TRIM37: variants seen among roughly 807,000 people sequenced by gnomAD.
TRIM37 encodes E3 ubiquitin-protein ligase TRIM37.
TRIM37 carries 80 observed loss-of-function variants against 129.8 expected under a neutral mutation model. That is an observed-to-expected ratio of 0.62 (90% confidence interval 0.51 to 0.74). The LOEUF (loss-of-function observed/expected upper bound fraction) is 0.74, where lower values mean the gene tolerates loss of function less well. Among genes scored for constraint, TRIM37 ranks in the 30% least tolerant of loss-of-function variants. The pLI is 0.00. For missense variants in TRIM37, 1,054 were observed against 1,176.5 expected, an observed-to-expected ratio of 0.90 and a Z score of 1.52; for synonymous variants, 389 against 387.1, an observed-to-expected ratio of 1.00 and a Z score of -0.06.
intron 13 of TRIM37, 127 bp downstream of exon 13, chr17:59,056,732 AAAAAAAAAAAAAAAAG>A: frequency 2.4e-6 from 1 of 409,862 alleles, no homozygotes; most frequent in Non-Finnish European, 4.2e-6. Flanking sequence ...AAAAAAAAAA[AAAAAAAAAAAAAAAAG>A]GTGATAAGGT....
intron 22 of TRIM37, among the ~76,000 whole-genome samples, chr17:59,008,758 C>T (rs190749795): frequency 6.6e-6 from 1 of 152,186 alleles, no homozygotes; most frequent in Non-Finnish European, 1.5e-5. Flanking sequence ...TAAAGAAGTC[C>T]AAATCATTTC....
chr17:59,101,460 A>T (rs2045460141), intron 2 of TRIM37, among the ~76,000 whole-genome samples: 1 of 151,954 alleles, frequency 6.6e-6, no homozygotes, highest in African/African-American at 2.4e-5. Context: ...CATGGTAATG[A>T]TAAAAACAGA....
rs1055826420 is a variant in TRIM37, at chr17:59,001,517, G to T, written c.2812+81C>A. ...AAGCAGTAGAGCGGAAAAAGTAGAA[G>T]TAGCAGCAGCAGAAGAAGAAGAAAG... On this transcript the variant is annotated intron_variant, in intron 23 of 23. Transcript: ENST00000262294. The T allele has an allele frequency of 4.5e-6, 7 of 1,565,456 alleles. No individual in the cohort carries two copies. In the African/African-American group the frequency reaches 8.1e-5, roughly 18 times the overall value.
intron 13 of TRIM37, among the ~76,000 whole-genome samples, chr17:59,052,258 T>G (rs1484389989): frequency 6.6e-6 from 1 of 152,034 alleles, no homozygotes; most frequent in African/African-American, 2.4e-5. Flanking sequence ...AACCTCTACC[T>G]TTGTTACATA....
rs1041100171 is a variant in TRIM37 at position 58,998,577 on chromosome 17, T to C, written c.*800A>G. 18 of 985,260 alleles carry C rather than the reference T, an allele frequency of 1.8e-5. No individual in the cohort carries two copies. The African/African-American group carries it at 2.8e-4, about 15-fold the overall frequency. The allele number at this position is 985,260 out of a possible 1,614,324, so 61.0% of individuals were successfully genotyped here. On this transcript the variant is annotated 3_prime_UTR_variant, in exon 24 of 24. Coordinates refer to ENST00000262294, the MANE Select transcript of TRIM37 (RefSeq NM_015294.6). ...TTAAATGTGTTGACACTGAAATCAA[T>C]GTACAACTAATGAAAATAAAGAAGA...
At chr17:59,046,731 G>T (rs975934548) in intron 16 of TRIM37, among the ~76,000 whole-genome samples, 16 of 150,804 alleles carry the variant, frequency 1.1e-4, no homozygotes, top group African/African-American at 3.9e-4. Context: ...TAGTAGAGAC[G>T]GGGTTTCACC....
chr17:59,049,474 T>G, intron 14 of TRIM37, 81 bp from the exon 15 acceptor site: 1 of 1,186,904 alleles, frequency 8.4e-7, no homozygotes, highest in Non-Finnish European at 1.2e-6. Flanking sequence ...AAAAAATGCA[T>G]CCAGATGTTT....
chr17:59,101,670 AAAAAAAAATAT>A lies in TRIM37; in HGVS notation c.123+2612_123+2622del, dbSNP rs1237789272. On this transcript the variant is annotated intron_variant, in intron 2 of 23. Transcript: ENST00000262294. ...CCCATCTCTACAAAAAAAAAAAAAAAAAAAAAAATATATATATATATATATACACACACACA... is the reference window on the plus strand; with the variant it reads ...CCCATCTCTACAAAAAAAAAAAAAAAATATATATATATATACACACACACA... 1.0e-4 allele frequency among the ~76,000 whole-genome samples: 12 copies of A among 117,860 alleles called. 1 individual carries two copies. The highest frequency in any genetic ancestry group is 4.8e-4 in the South Asian group (2 of 4,192). The allele number at this position is 117,860 out of a possible 152,430, so 77.3% of individuals were successfully genotyped here.
At chr17:59,015,331 T>C (rs1020809962) in intron 21 of TRIM37, among the ~76,000 whole-genome samples, 2 of 151,086 alleles carry the variant, frequency 1.3e-5, no homozygotes, top group Admixed American at 6.6e-5. Flanking sequence ...TCCCAGCTAC[T>C]TGGGAGGCTG....
chr17:58,973,375 C>T, the TRIM37 span, among the ~76,000 whole-genome samples: 1 of 150,694 alleles, frequency 6.6e-6, no homozygotes, highest in Admixed American at 6.6e-5. Flanking sequence ...GGAGATCGCG[C>T]CATTGCACGC....
At chr17:59,003,164 A>G (rs2034003315) in intron 22 of TRIM37, among the ~76,000 whole-genome samples, 1 of 152,330 alleles carries the variant, frequency 6.6e-6, no homozygotes, top group African/African-American at 2.4e-5. Flanking sequence ...GGCATGAGCC[A>G]CCATGCCTGG....
chr17:59,038,060 C>G (rs190851600), intron 17 of TRIM37, among the ~76,000 whole-genome samples: 2 of 152,250 alleles, frequency 1.3e-5, no homozygotes, highest in East Asian at 3.9e-4. Context: ...ACTTACAATA[C>G]TGTCAACATG....
At chr17:59,007,238 C>CACACAA in intron 22 of TRIM37, among the ~76,000 whole-genome samples, 1 of 142,084 alleles carries the variant, frequency 7.0e-6, no homozygotes, top group Non-Finnish European at 1.5e-5. Context: ...CACCCACACA[C>CACACAA]ACACACACGT....
chr17:59,006,613 G>A (rs1250535816), intron 22 of TRIM37, among the ~76,000 whole-genome samples: 2 of 152,102 alleles, frequency 1.3e-5, no homozygotes, highest in Non-Finnish European at 2.9e-5. Context: ...CTGGCTGGGT[G>A]CGCGGTGGCT....
chr17:59,041,964 A>G (rs2039213138), intron 16 of TRIM37, 66 bp from the exon 17 acceptor site: 1 of 1,098,240 alleles, frequency 9.1e-7, no homozygotes, highest in African/African-American at 1.5e-5. Context: ...TCACACCTCA[A>G]TAAATTTTAT....
chr17:59,098,285 A>T (rs934669175), intron 2 of TRIM37, among the ~76,000 whole-genome samples: 1 of 152,202 alleles, frequency 6.6e-6, no homozygotes, highest in Non-Finnish European at 1.5e-5. Flanking sequence ...ATGATGAAAA[A>T]GTACTAAAGG....
At chr17:59,022,681 C>T (rs531030490) in intron 19 of TRIM37, among the ~76,000 whole-genome samples, 3 of 152,134 alleles carry the variant, frequency 2.0e-5, no homozygotes, top group African/African-American at 7.2e-5. Context: ...GTCTGGCACA[C>T]AGTTAACACT....
In TRIM37 at chr17:59,106,685, T is replaced by C. The variant is rs11541295; in HGVS notation, c.-224A>G. ...GCGCGCCCGCCCCGAGGCGCAGAAG[T>C]AGGGCGAACGGTGGCCGCAGCTCCT... On this transcript the variant is annotated 5_prime_UTR_variant, in exon 1 of 24. Coordinates refer to ENST00000262294, the MANE Select transcript of TRIM37 (RefSeq NM_015294.6). 0.019 allele frequency: 11,688 copies of C among 606,396 alleles called. 167 individuals carry two copies. The highest frequency in any genetic ancestry group is 0.055 in the Middle Eastern group (125 of 2,254). 37.6% of individuals were successfully genotyped at this position (606,396 alleles called of 1,614,324 possible). A position where few individuals can be genotyped will look rare whatever the true frequency, so the allele number is the denominator to read the frequency against.
In TRIM37 at chr17:59,027,172, AG is replaced by A. The variant is rs1340466683; in HGVS notation, c.2257+1242del. 3.9e-5 allele frequency among the ~76,000 whole-genome samples: 6 copies of A among 152,284 alleles called. No individual in the cohort carries two copies. In the East Asian group the frequency reaches 1.2e-3, roughly 29 times the overall value. ...ATTCACGTGTCTATGACATTTTACT[AG>A]GATATCTAGCAGGTGTCTCAAATTA... On this transcript the variant is annotated intron_variant, in intron 19 of 23. Coordinates refer to ENST00000262294, the MANE Select transcript of TRIM37 (RefSeq NM_015294.6).
Sources: gnomAD v4.1 joint callset for allele counts (sites outside exome capture counted in the v4.1 genomes callset) on GRCh38, gnomAD v4.1.1 for gene constraint, MANE v1.5 for transcripts, NCBI Gene and HGNC (gene_info 2026-07-23, HGNC 2026-07-21) for gene names.